Variants in LRRC40 observed in about 807,000 individuals in gnomAD.
LRRC40 encodes leucine-rich repeat-containing protein 40.
A neutral mutation model predicts 72.8 loss-of-function variants in LRRC40; 76 were observed. The observed-to-expected ratio is 1.04, with a 90% confidence interval of 0.87 to 1.26. LRRC40 has a LOEUF of 1.26. Among genes scored for constraint, LRRC40 ranks in the 50% most tolerant of loss-of-function variants. The pLI, the probability that LRRC40 is intolerant of heterozygous loss-of-function variation, is 0.00. For synonymous variants in LRRC40, 243 were observed against 254.2 expected (o/e 0.96, Z 0.42); for missense variants, 684 against 698.9 (o/e 0.98, Z 0.24).
At chr1:70,171,895 C>CA (rs1412570485) in intron 9 of LRRC40, among the ~76,000 whole-genome samples, 5 of 152,104 alleles carry the variant, frequency 3.3e-5, no homozygotes, top group Admixed American at 3.3e-4. Flanking sequence ...GAAACCTGTA[C>CA]AAGAATGTTT....
At chr1:70,151,908 T>C (rs900852004) in intron 12 of LRRC40, 2 of 152,196 alleles carry the variant, frequency 1.3e-5, no homozygotes, top group Non-Finnish European at 2.9e-5. Flanking sequence ...CCCAACTAGA[T>C]GACTACCTAT....
intron 13 of LRRC40, 89 bp from the exon 14 acceptor site, chr1:70,148,761 GT>G: frequency 2.6e-6 from 2 of 775,754 alleles, no homozygotes; most frequent in Non-Finnish European, 3.9e-6. Flanking sequence ...TGACATGACA[GT>G]TTTTTCTTTA....
Position 70,173,429 on chromosome 1 carries a change from G to A in LRRC40, c.1111+36C>T, listed in dbSNP as rs766321381. 2.8e-6 allele frequency: 4 copies of A among 1,450,796 alleles called. No individual in the cohort carries two copies. In the South Asian group the frequency reaches 3.5e-5, roughly 13 times the overall value. The allele number at this position is 1,450,796 out of a possible 1,614,324, so 89.9% of individuals were successfully genotyped here. On this transcript the variant is annotated intron_variant, in intron 9 of 14. Coordinates refer to ENST00000370952, the MANE Select transcript of LRRC40 (RefSeq NM_017768.5). The stretch of plus-strand genomic sequence containing the variant: ...CTATTAATTCTTCACCACTTTTTAT[G>A]AATCCTTCAAAATATAAGAGAACAT...
At chr1:70,167,982 TG>T (rs1253249585) in intron 9 of LRRC40, among the ~76,000 whole-genome samples, 1 of 152,172 alleles carries the variant, frequency 6.6e-6, no homozygotes, top group African/African-American at 2.4e-5. Context: ...ATGGAAATTT[TG>T]TAAGAGGTGA....
At chr1:70,181,901 T>G (rs1385703990) in intron 4 of LRRC40, among the ~76,000 whole-genome samples, 1 of 152,044 alleles carries the variant, frequency 6.6e-6, no homozygotes, top group East Asian at 1.9e-4. Flanking sequence ...GACGTTGTTA[T>G]GAATCAGGTA....
intron 10 of LRRC40, 31 bp from the exon 11 acceptor site, chr1:70,155,827 C>G (rs765531614): frequency 1.0e-6 from 1 of 993,874 alleles, no homozygotes; most frequent in Non-Finnish European, 1.5e-6. Flanking sequence ...AAAAACGAAC[C>G]ATTCTTAGCA....
chr1:70,197,587 C>A lies in LRRC40; in HGVS notation c.151+7803G>T, dbSNP rs568443109. On this transcript the variant is annotated intron_variant, in intron 1 of 14. Coordinates refer to ENST00000370952, the MANE Select transcript of LRRC40 (RefSeq NM_017768.5). The stretch of plus-strand genomic sequence containing the variant: ...GGCAATCACACCTGGCCCCCCCAAC[C>A]CCCGGCTTTTTTTTTTTTTTTAAGC... Among the ~76,000 whole-genome samples the A allele has an allele frequency of 4.7e-5, 7 of 149,096 alleles. No homozygotes were observed. The East Asian group carries it at 1.4e-3, about 31-fold the overall frequency.
intron 11 of LRRC40, 34 bp from the exon 12 acceptor site, chr1:70,152,577 T>G: frequency 9.3e-7 from 1 of 1,081,076 alleles, no homozygotes; most frequent in Non-Finnish European, 1.4e-6. Context: ...TGTTAGCACT[T>G]GAATTCACTG....
intron 3 of LRRC40, among the ~76,000 whole-genome samples, chr1:70,185,406 T>C (rs1186209832): frequency 1.3e-5 from 2 of 152,186 alleles, no homozygotes; most frequent in East Asian, 3.9e-4. Context: ...GTCTCATGAG[T>C]CCTGATGGTT....
At chr1:70,172,808 T>C (rs907414511) in intron 9 of LRRC40, among the ~76,000 whole-genome samples, 16 of 151,980 alleles carry the variant, frequency 1.1e-4, no homozygotes, top group African/African-American at 3.6e-4. Flanking sequence ...ACCAACAGAG[T>C]TGTGAGGTAA....
At chr1:70,182,329 T>C (rs1668264188) in intron 4 of LRRC40, among the ~76,000 whole-genome samples, 1 of 152,084 alleles carries the variant, frequency 6.6e-6, no homozygotes, top group Middle Eastern at 3.4e-3. Context: ...AGGACATTAG[T>C]GGAAAAACTG....
intron 2 of LRRC40, 29 bp downstream of exon 2, chr1:70,189,063 T>C (rs913466015): frequency 6.3e-7 from 1 of 1,575,310 alleles, no homozygotes; most frequent in Non-Finnish European, 8.6e-7. Context: ...CTTCAATTAA[T>C]AATCCATATT....
intron 14 of LRRC40, 46 bp downstream of exon 14, chr1:70,148,441 A>C: frequency 7.3e-7 from 1 of 1,372,342 alleles, no homozygotes; most frequent in Non-Finnish European, 9.9e-7. Context: ...TCACTTCAAC[A>C]AATCAATAAA....
At chr1:70,172,463 G>C (rs574487528) in intron 9 of LRRC40, among the ~76,000 whole-genome samples, 19 of 152,056 alleles carry the variant, frequency 1.2e-4, no homozygotes, top group African/African-American at 4.1e-4. Context: ...TATATGCATG[G>C]ATTCACTCTC....
intron 9 of LRRC40, among the ~76,000 whole-genome samples, chr1:70,168,560 A>G (rs1458967704): frequency 6.6e-6 from 1 of 152,206 alleles, no homozygotes; most frequent in East Asian, 1.9e-4. Flanking sequence ...CACTCACAAC[A>G]AAGCATGAAA....
At chr1:70,153,378 CAAATG>C (rs1485253334) in intron 11 of LRRC40, among the ~76,000 whole-genome samples, 1 of 149,740 alleles carries the variant, frequency 6.7e-6, no homozygotes, top group Non-Finnish European at 1.5e-5. Flanking sequence ...AAAAGACAAC[CAAATG>C]AAAGTTAAAT....
intron 9 of LRRC40, among the ~76,000 whole-genome samples, chr1:70,172,683 T>C (rs188882311): frequency 6.2e-4 from 94 of 152,232 alleles, no homozygotes; most frequent in Admixed American, 5.5e-3. Context: ...TCTTAGAAAA[T>C]TATTTTAATA....
intron 9 of LRRC40, among the ~76,000 whole-genome samples, chr1:70,172,313 T>C (rs1359219997): frequency 6.6e-6 from 1 of 152,182 alleles, no homozygotes; most frequent in Non-Finnish European, 1.5e-5. Flanking sequence ...TAGCCCAAAC[T>C]GACTAAACAA....
At chr1:70,191,292 A>G (rs960182699) in intron 1 of LRRC40, among the ~76,000 whole-genome samples, 4 of 152,084 alleles carry the variant, frequency 2.6e-5, no homozygotes, top group African/African-American at 7.2e-5. Flanking sequence ...TTGTGCATGC[A>G]TTTTTTTCTA....
Sources: allele counts gnomAD v4.1 joint callset (sites outside exome capture counted in the v4.1 genomes callset), GRCh38; gene constraint gnomAD v4.1.1; transcripts MANE v1.5; gene names NCBI Gene and HGNC (gene_info 2026-07-23, HGNC 2026-07-21).